The following ZDHHC14 variants were observed in gnomAD, a reference collection of about 807,000 sequenced individuals.
ZDHHC14 encodes palmitoyltransferase ZDHHC14.
Under a neutral mutation model 47.7 loss-of-function variants are expected in ZDHHC14, and 16 were observed. The observed-to-expected ratio is 0.34, with a 90% confidence interval of 0.23 to 0.51. The LOEUF is 0.51. Ranked by LOEUF, ZDHHC14 falls within the 20% of genes least tolerant of loss-of-function variation. The probability of loss-of-function intolerance (pLI) is 0.97; values close to 1 mark genes in which losing one functional copy is unlikely to be tolerated. For synonymous variants in ZDHHC14, 293 were observed against 278.9 expected (o/e 1.05, Z -0.50); for missense variants, 515 against 662.5 (o/e 0.78, Z 2.44).
intron 8 of ZDHHC14, among the ~76,000 whole-genome samples, chr6:157,670,511 C>G (rs1778748695): frequency 6.6e-6 from 1 of 152,102 alleles, no homozygotes; most frequent in Non-Finnish European, 1.5e-5. Context: ...CCAAGCTGGT[C>G]TCGAACTCCT....
chr6:157,487,735 A>G (rs764635802), intron 1 of ZDHHC14, among the ~76,000 whole-genome samples: 2 of 152,152 alleles, frequency 1.3e-5, no homozygotes, highest in African/African-American at 2.4e-5. Flanking sequence ...TATTTTTAGT[A>G]CTATTATTAT....
chr6:157,384,278 C>A (rs1408143499), intron 1 of ZDHHC14, among the ~76,000 whole-genome samples: 1 of 152,208 alleles, frequency 6.6e-6, no homozygotes, highest in East Asian at 1.9e-4. Context: ...GGGATCCCCC[C>A]AGTTATTACT....
intron 1 of ZDHHC14, among the ~76,000 whole-genome samples, chr6:157,444,018 T>G (rs1778611597): frequency 6.6e-6 from 1 of 152,256 alleles, no homozygotes; most frequent in South Asian, 2.1e-4. Context: ...GTTCTATGTG[T>G]GCTCAGCATT....
At chr6:157,504,781 A>ATGTGT (rs1323748511) in intron 1 of ZDHHC14, among the ~76,000 whole-genome samples, 1 of 120,712 alleles carries the variant, frequency 8.3e-6, no homozygotes, top group Non-Finnish European at 1.8e-5. Flanking sequence ...GTAAAATACC[A>ATGTGT]TGTGTTTTGT....
chr6:157,641,470 T>A lies in ZDHHC14; in HGVS notation c.753-4267T>A, dbSNP rs546652198. 4.6e-5 allele frequency among the ~76,000 whole-genome samples: 7 copies of A among 152,308 alleles called. No individual in the cohort carries two copies. The East Asian group carries it at 1.3e-3, about 29-fold the overall frequency. Reference sequence around the variant, plus strand: ...TTTTCTGGATAATAGATTGTACCTCTCTTTATGTTCATGGGCCTTATTTTT... The same window carrying A: ...TTTTCTGGATAATAGATTGTACCTCACTTTATGTTCATGGGCCTTATTTTT... On this transcript the variant is annotated intron_variant, in intron 5 of 8. Coordinates refer to ENST00000359775, the MANE Select transcript of ZDHHC14 (RefSeq NM_024630.3).
chr6:157,472,483 A>AAGTGG lies in ZDHHC14; in HGVS notation c.246-70079_246-70075dup, dbSNP rs199696883. Among the ~76,000 whole-genome samples, 806 of 151,994 alleles carry AAGTGG rather than the reference A, an allele frequency of 5.3e-3. 5 individuals carry two copies. The highest frequency in any genetic ancestry group is 0.041 in the South Asian group (196 of 4,788). ...TATGCTGCTTGACCTAGTAAATAAT[A>AAGTGG]AGTGGAGTGGAGTGGAGTGGAGTGG... On this transcript the variant is annotated intron_variant, in intron 1 of 8. Coordinates refer to ENST00000359775, the MANE Select transcript of ZDHHC14 (RefSeq NM_024630.3).
At chr6:157,484,353 TAC>T (rs1217234317) in intron 1 of ZDHHC14, among the ~76,000 whole-genome samples, 6 of 145,710 alleles carry the variant, frequency 4.1e-5, no homozygotes, top group Non-Finnish European at 9.0e-5. Context: ...TACGTATATA[TAC>T]ACACATATAT....
intron 1 of ZDHHC14, among the ~76,000 whole-genome samples, chr6:157,467,609 A>T (rs1387424676): frequency 1.3e-5 from 2 of 151,550 alleles, no homozygotes; most frequent in African/African-American, 4.9e-5. Flanking sequence ...GAGTACAGTG[A>T]CATGATCTTG....
chr6:157,520,014 C>A (rs1318366741), intron 1 of ZDHHC14, among the ~76,000 whole-genome samples: 8 of 152,158 alleles, frequency 5.3e-5, no homozygotes, highest in South Asian at 4.1e-4. Flanking sequence ...AAGTAGGTGG[C>A]CCTTCAACTG....
intron 1 of ZDHHC14, among the ~76,000 whole-genome samples, chr6:157,523,887 C>T (rs1781057515): frequency 6.6e-6 from 1 of 152,134 alleles, no homozygotes; most frequent in African/African-American, 2.4e-5. Context: ...GGTGACAGCA[C>T]AAGACCCTGT....
rs200973879 is a variant in ZDHHC14, at chr6:157,506,766, CTA to C, written c.246-35815_246-35814del. On this transcript the variant is annotated intron_variant, in intron 1 of 8. Transcript: ENST00000359775. ...GGGGAATGTTAATGTGAGCTATTGT[CTA>C]TATCTAAAGGAAAACAACCACTCAG... Among the ~76,000 whole-genome samples the C allele has an allele frequency of 8.9e-3, 1,358 of 152,258 alleles. 12 individuals are homozygous for C. Among genetic ancestry groups the C allele is most frequent in the Non-Finnish European group, 0.015 (1,020 of 68,026 alleles).
At chr6:157,406,254 G>A (rs1777760835) in intron 1 of ZDHHC14, among the ~76,000 whole-genome samples, 1 of 152,188 alleles carries the variant, frequency 6.6e-6, no homozygotes, top group Non-Finnish European at 1.5e-5. Context: ...GAGGTGCACA[G>A]GAGGGAGAAA....
rs926987068 is a variant in ZDHHC14 at position 157,410,408 on chromosome 6, T to C, written c.245+28142T>C. On this transcript the variant is annotated intron_variant, in intron 1 of 8. Coordinates refer to ENST00000359775, the MANE Select transcript of ZDHHC14 (RefSeq NM_024630.3). ...TGGCTGGATTTGTTGCAGTGCATTT[T>C]GTATAAAAAAATGATTCTGAATGAA... Among the ~76,000 whole-genome samples, 42 of 152,346 alleles carry C rather than the reference T, an allele frequency of 2.8e-4. 1 individual carries two copies. The East Asian group carries it at 5.2e-3, about 19-fold the overall frequency.
At chr6:157,516,242 T>C (rs1432684634) in intron 1 of ZDHHC14, among the ~76,000 whole-genome samples, 1 of 152,262 alleles carries the variant, frequency 6.6e-6, no homozygotes, top group Non-Finnish European at 1.5e-5. Context: ...ATTACTACAT[T>C]CTAACGTTGA....
At chr6:157,492,203 C>CCCCCCA (rs1779939832) in intron 1 of ZDHHC14, among the ~76,000 whole-genome samples, 1 of 126,596 alleles carries the variant, frequency 7.9e-6, no homozygotes, top group African/African-American at 4.4e-5. Context: ...CCCCTCCGCC[C>CCCCCCA]CCGCCCCCCA....
At chr6:157,478,826 G>T (rs1779550493) in intron 1 of ZDHHC14, among the ~76,000 whole-genome samples, 1 of 152,192 alleles carries the variant, frequency 6.6e-6, no homozygotes, top group Non-Finnish European at 1.5e-5. Flanking sequence ...GAAAAAATTA[G>T]ATGGAAGATT....
chr6:157,666,750 T>A (rs535918796), intron 8 of ZDHHC14, among the ~76,000 whole-genome samples: 193 of 152,354 alleles, frequency 1.3e-3, no homozygotes, highest in Non-Finnish European at 2.3e-3. Flanking sequence ...TCAGCTAGGG[T>A]AAAATAAAAT....
chr6:157,639,691 G>A (rs983485605), intron 5 of ZDHHC14, among the ~76,000 whole-genome samples: 9 of 152,152 alleles, frequency 5.9e-5, no homozygotes, highest in African/African-American at 2.2e-4. Context: ...GTGGCAGAGG[G>A]ACAGCTCAGT....
At chr6:157,456,607 C>T (rs1019633629) in intron 1 of ZDHHC14, among the ~76,000 whole-genome samples, 2 of 152,166 alleles carry the variant, frequency 1.3e-5, no homozygotes, top group Admixed American at 6.5e-5. Context: ...CCTGGCAGTA[C>T]GAGCTGCTTC....
Sources: allele counts gnomAD v4.1 joint callset (sites outside exome capture counted in the v4.1 genomes callset), GRCh38; gene constraint gnomAD v4.1.1; transcripts MANE v1.5; gene names NCBI Gene and HGNC (gene_info 2026-07-23, HGNC 2026-07-21).